ST3GAL3: variants seen among roughly 807,000 people sequenced by gnomAD.
The protein encoded by ST3GAL3 is CMP-N-acetylneuraminate-beta-1,4-galactoside alpha-2,3-sialyltransferase.
In ST3GAL3, 21 loss-of-function variants were observed where a neutral mutation model predicts 50.1. The observed-to-expected ratio is 0.42, with a 90% confidence interval of 0.30 to 0.60. The LOEUF (loss-of-function observed/expected upper bound fraction) is 0.60. Ranked by LOEUF, ST3GAL3 falls within the 20% of genes least tolerant of loss-of-function variation. The probability of loss-of-function intolerance (pLI) is 0.19; values close to 1 mark genes in which losing one functional copy is unlikely to be tolerated. For missense variants in ST3GAL3, 353 were observed against 489.4 expected (o/e 0.72, Z 2.63); for synonymous variants, 183 against 190.0 (o/e 0.96, Z 0.30).
intron 1 of ST3GAL3, among the ~76,000 whole-genome samples, chr1:43,735,051 C>T (rs1219334352): frequency 6.6e-6 from 1 of 152,116 alleles, no homozygotes; most frequent in African/African-American, 2.4e-5. Flanking sequence ...AGTACAATGA[C>T]TAGAGCATAG....
chr1:43,899,435 AG>A lies in ST3GAL3; in HGVS notation c.558-104del. On this transcript the variant is annotated intron_variant, in intron 8 of 11. Coordinates refer to ENST00000347631, the MANE Select transcript of ST3GAL3 (RefSeq NM_006279.5). The surrounding 1 kb of genome is among the most constrained non-coding windows in gnomAD (Gnocchi z 5.4). The stretch of plus-strand genomic sequence containing the variant: ...ACTAGCGGGGGCACCTGGGGAGAAT[AG>A]GTCCAGGTGACCTGGACTCCCTATT... 2 of 1,569,534 alleles carry A rather than the reference AG, an allele frequency of 1.3e-6. No individual in the cohort carries two copies. The highest frequency in any genetic ancestry group is 1.7e-6 in the Non-Finnish European group (2 of 1,152,914).
chr1:43,907,128 A>G (rs1264955422), intron 9 of ST3GAL3, among the ~76,000 whole-genome samples: 2 of 152,072 alleles, frequency 1.3e-5, no homozygotes, highest in African/African-American at 4.8e-5. Flanking sequence ...CATCTCCACA[A>G]CCCTACAAGG....
intron 5 of ST3GAL3, among the ~76,000 whole-genome samples, chr1:43,860,055 C>T (rs1569937974): frequency 6.6e-6 from 1 of 152,182 alleles, no homozygotes; most frequent in East Asian, 1.9e-4. Context: ...TCCCTGATAC[C>T]CAAGTCCCTT....
At chr1:43,709,033 CCG>C (rs1404709069) in intron 1 of ST3GAL3, among the ~76,000 whole-genome samples, 5 of 152,034 alleles carry the variant, frequency 3.3e-5, no homozygotes, top group African/African-American at 1.2e-4. Flanking sequence ...CTCTGAGAAA[CCG>C]AGAAAAGGAG....
intron 9 of ST3GAL3, among the ~76,000 whole-genome samples, chr1:43,906,132 T>C (rs1178158385): frequency 1.4e-5 from 1 of 71,432 alleles, no homozygotes; most frequent in African/African-American, 4.4e-5. Flanking sequence ...TTCCTGCTCC[T>C]CTTCCCACCA....
At chr1:43,721,134 A>C (rs1038447505) in intron 1 of ST3GAL3, among the ~76,000 whole-genome samples, 1 of 151,886 alleles carries the variant, frequency 6.6e-6, no homozygotes, top group African/African-American at 2.4e-5. Flanking sequence ...AGTTTCAGCT[A>C]CTTGGGAGGT....
chr1:43,794,786 A>G (rs1456612092), intron 3 of ST3GAL3, among the ~76,000 whole-genome samples: 1 of 152,226 alleles, frequency 6.6e-6, no homozygotes, highest in Non-Finnish European at 1.5e-5. Context: ...TATTAAAGAC[A>G]TATTGTTGGG....
At chr1:43,809,548 T>C (rs1030192559) in intron 3 of ST3GAL3, among the ~76,000 whole-genome samples, 1 of 151,558 alleles carries the variant, frequency 6.6e-6, no homozygotes, top group African/African-American at 2.4e-5. Flanking sequence ...AGTTTAAAAA[T>C]TAGCTAAATG....
intron 2 of ST3GAL3, among the ~76,000 whole-genome samples, chr1:43,752,962 A>G (rs1242284997): frequency 2.6e-5 from 4 of 152,252 alleles, no homozygotes; most frequent in African/African-American, 9.6e-5. Context: ...TTTGAACAGT[A>G]ACTCATATAT....
At chr1:43,809,992 CAAAA>C (rs111982954) in intron 3 of ST3GAL3, among the ~76,000 whole-genome samples, 5 of 78,438 alleles carry the variant, frequency 6.4e-5, no homozygotes, top group Non-Finnish European at 2.5e-5. Flanking sequence ...GACCCTGTCT[CAAAA>C]AAAAAAAAAA....
chr1:43,919,109 G>C (rs1259077438), intron 9 of ST3GAL3: 1 of 97,892 alleles, frequency 1.0e-5, no homozygotes, highest in African/African-American at 3.8e-5. Flanking sequence ...ACAGAGTCTC[G>C]CTCTGTCGCC....
intron 5 of ST3GAL3, chr1:43,850,373 C>A (rs1300122291): frequency 3.0e-5 from 17 of 559,618 alleles, no homozygotes; most frequent in Non-Finnish European, 5.8e-5. Context: ...GCACACACCC[C>A]TGGTATTTAT....
chr1:43,851,416 G>T (rs1451968156), intron 5 of ST3GAL3: 7 of 1,611,544 alleles, frequency 4.3e-6, no homozygotes, highest in Non-Finnish European at 5.9e-6. Flanking sequence ...CAGCACTGTG[G>T]GTCCAGCTTA....
At chr1:43,771,114 T>C (rs941460359) in intron 2 of ST3GAL3, among the ~76,000 whole-genome samples, 1 of 152,226 alleles carries the variant, frequency 6.6e-6, no homozygotes, top group Non-Finnish European at 1.5e-5. Context: ...TCATCAGTTA[T>C]CCCCTTCTTT....
At position 43,856,943 on chromosome 1, in the gene ST3GAL3, A is replaced by AT. The variant is rs1209461054; in HGVS notation, c.302+18644dup. Among the ~76,000 whole-genome samples, 127 of 146,880 alleles carry AT rather than the reference A, an allele frequency of 8.6e-4. No individual in the cohort carries two copies. The Middle Eastern group carries it at 0.01, about 12-fold the overall frequency. ...GCGGTAGACATCCAGAAGTTGTGGG[A>AT]TTTTTTTTTTTTAGATCTCCTTCTC... On this transcript the variant is annotated intron_variant, in intron 5 of 11. Coordinates refer to ENST00000347631, the MANE Select transcript of ST3GAL3 (RefSeq NM_006279.5).
rs555176895 is a variant in ST3GAL3 at position 43,827,669 on chromosome 1, A to AT, written c.210-10540dup. Among the ~76,000 whole-genome samples the AT allele has an allele frequency of 4.2e-3, 632 of 149,816 alleles. 3 individuals are homozygous for AT. The highest frequency in any genetic ancestry group is 6.8e-3 in the Non-Finnish European group (455 of 67,278). On this transcript the variant is annotated intron_variant, in intron 4 of 11. Coordinates refer to ENST00000347631, the MANE Select transcript of ST3GAL3 (RefSeq NM_006279.5). ...AGGCGTGCGCTACCACACACAGCTAATTTTTTTTTTATGTTTTTTATTTTG... is the reference window on the plus strand; with the variant it reads ...AGGCGTGCGCTACCACACACAGCTAATTTTTTTTTTTATGTTTTTTATTTTG...
intron 2 of ST3GAL3, among the ~76,000 whole-genome samples, chr1:43,776,827 G>A (rs907978119): frequency 6.6e-6 from 1 of 152,086 alleles, no homozygotes; most frequent in African/African-American, 2.4e-5. Context: ...CTTTTTTAAT[G>A]GAAATATTAT....
At chr1:43,836,390 T>C (rs2064332035) in intron 4 of ST3GAL3, among the ~76,000 whole-genome samples, 2 of 152,156 alleles carry the variant, frequency 1.3e-5, no homozygotes, top group South Asian at 4.1e-4. Flanking sequence ...TGCTTGAAAA[T>C]GTAGATTTCT....
Position 43,931,118 on chromosome 1 carries a change from G to A in ST3GAL3, c.*897G>A, listed in dbSNP as rs2485990. On this transcript the variant is annotated 3_prime_UTR_variant, in exon 12 of 12. Coordinates refer to ENST00000347631, the MANE Select transcript of ST3GAL3 (RefSeq NM_006279.5). ...GGAGCTTACCCAAGCTGTGGCAGCCGTCCCAGGCCACCCCCATGGAAGCAA... is the reference window on the plus strand; with the variant it reads ...GGAGCTTACCCAAGCTGTGGCAGCCATCCCAGGCCACCCCCATGGAAGCAA... The A allele has an allele frequency of 0.098, 15,031 of 152,784 alleles. 927 individuals are homozygous for A. Among genetic ancestry groups the A allele is most frequent in the South Asian group, 0.22 (1,084 of 4,826 alleles). The allele number at this position is 152,784 out of a possible 1,614,324, so 9.5% of individuals were successfully genotyped here. A position where few individuals can be genotyped will look rare whatever the true frequency, so the allele number is the denominator to read the frequency against.
Sources: allele counts gnomAD v4.1 joint callset (sites outside exome capture counted in the v4.1 genomes callset), GRCh38; gene constraint gnomAD v4.1.1; non-coding constraint Gnocchi (gnomAD v3.1); transcripts MANE v1.5; gene names NCBI Gene and HGNC (gene_info 2026-07-23, HGNC 2026-07-21).